CTNND1: variants seen among roughly 807,000 people sequenced by gnomAD.
The protein encoded by CTNND1 is catenin delta-1.
A neutral mutation model predicts 112.1 loss-of-function variants in CTNND1; 16 were observed. That is an observed-to-expected ratio of 0.14 (90% confidence interval 0.10 to 0.22). The LOEUF (loss-of-function observed/expected upper bound fraction) is 0.22. Ranked by LOEUF, CTNND1 falls within the 10% of genes least tolerant of loss-of-function variation. CTNND1 has a pLI of 1.00. For synonymous variants in CTNND1, 420 were observed against 446.5 expected (o/e 0.94, Z 0.75); for missense variants, 1,008 against 1,257.0 (o/e 0.80, Z 3.00).
In CTNND1 at chr11:57,805,986, C is replaced by T; in HGVS notation, c.1827C>T (p.Asn609=). The T allele has an allele frequency of 6.2e-7, 1 of 1,612,500 alleles. No individual in the cohort carries two copies. The highest frequency in any genetic ancestry group is 8.5e-7 in the Non-Finnish European group (1 of 1,179,192). The change falls in exon 10 of 21, where the codon AAC becomes AAT. Residue 609 remains asparagine (N), a synonymous_variant. Coordinates refer to ENST00000399050, the MANE Select transcript of CTNND1 (RefSeq NM_001085458.2). ...AAGAGGCAGCTCCCAATGTTGCCAA[C>T]AATACTGGGCCACATGCTGCCAGTT... ...RYQEAAPNVA[N]NTGPHAASCF... is the part of the protein sequence containing the mutation.
intron 3 of CTNND1, 73 bp downstream of exon 3, chr11:57,791,746 G>A: frequency 7.0e-7 from 1 of 1,436,472 alleles, no homozygotes; most frequent in Non-Finnish European, 9.2e-7. Context: ...TCCTTTTTGG[G>A]AAGCTACTCT....
chr11:57,802,524 T>G (rs1453620381), intron 7 of CTNND1, among the ~76,000 whole-genome samples: 2 of 152,250 alleles, frequency 1.3e-5, no homozygotes, highest in Admixed American at 6.5e-5. Context: ...CTCTCTAATT[T>G]ACACTAATCT....
intron 6 of CTNND1, 64 bp from the exon 7 acceptor site, chr11:57,801,669 G>C: frequency 7.4e-7 from 1 of 1,356,884 alleles, no homozygotes; most frequent in East Asian, 2.3e-5. Flanking sequence ...AGGGTAATGG[G>C]AATGTCCAGG....
chr11:57,788,421 C>G lies in CTNND1; in HGVS notation c.-213-616C>G, dbSNP rs765954632. ...TTTAAACTTAGGGACTGGATTGATT[C>G]AGGAGTTTATTGGACACTTACTTAT... On this transcript the variant is annotated intron_variant, in intron 1 of 20. Coordinates refer to ENST00000399050, the MANE Select transcript of CTNND1 (RefSeq NM_001085458.2). This position sits in a 1 kb window ranked among gnomAD's most constrained non-coding sequence, Gnocchi z 4.1. 2.0e-5 allele frequency among the ~76,000 whole-genome samples: 3 copies of G among 152,082 alleles called. No individual in the cohort carries two copies. Among genetic ancestry groups the G allele is most frequent in the African/African-American group, 4.8e-5 (2 of 41,408 alleles).
Position 57,795,708 on chromosome 11 carries a change from C to T in CTNND1, c.399C>T (p.Thr133=). ...CTGTGGAGACCTCAGATGATGGGAC[C>T]ACTCGGCGCACAGAGACCACGGTAA... ...VVSVETSDDG[T]TRRTETTVKK... The change falls in exon 5 of 21, where the codon ACC becomes ACT. Residue 133 remains threonine, a synonymous_variant. Transcript: ENST00000399050. 3 of 1,601,686 alleles carry T rather than the reference C, an allele frequency of 1.9e-6. No homozygotes were observed. Among genetic ancestry groups the T allele is most frequent in the Non-Finnish European group, 2.6e-6 (3 of 1,176,072 alleles).
At chr11:57,796,410 G>GCTCACTTC in intron 5 of CTNND1, 47 bp from the exon 6 acceptor site, 1 of 1,478,088 alleles carries the variant, frequency 6.8e-7, no homozygotes, top group Non-Finnish European at 9.1e-7. Flanking sequence ...GAATTTAATT[G>GCTCACTTC]CTCACTTCCT....
At position 57,808,507 on chromosome 11, in the gene CTNND1, C is replaced by G; in HGVS notation, c.2209C>G (p.Leu737Val). ...VKAASGALRN[L>V]AVDARNKELI... ...AGCTGCATCTGGAGCACTGAGAAAC[C>G]TGGCTGTGGATGCTCGCAACAAAGA... is the stretch of plus-strand genomic sequence containing the variant. The change falls in exon 14 of 21, where the codon CTG becomes GTG. Residue 737 changes from leucine to valine, a missense_variant. By Grantham distance (32) the Leu-to-Val change is conservative. Around this residue, in one of 5 missense-constraint regions of CTNND1, gnomAD observed 254 missense variants for 279.5 expected, o/e 0.91. Coordinates refer to ENST00000399050, the MANE Select transcript of CTNND1 (RefSeq NM_001085458.2). The G allele has an allele frequency of 6.2e-7, 1 of 1,609,402 alleles. No homozygotes were observed.
intron 16 of CTNND1, 125 bp from the exon 17 acceptor site, chr11:57,811,274 C>A: frequency 2.9e-6 from 2 of 683,830 alleles, no homozygotes; most frequent in Non-Finnish European, 5.1e-6. Context: ...ATTTATTCAA[C>A]TCTTATAAGT....
At chr11:57,796,203 A>G (rs1181349934) in intron 5 of CTNND1, among the ~76,000 whole-genome samples, 1 of 151,864 alleles carries the variant, frequency 6.6e-6, no homozygotes, top group Admixed American at 6.6e-5. Context: ...TGGGCAACAT[A>G]GTGAAACCCC....
At chr11:57,773,834 C>T (rs997515929) in intron 1 of CTNND1, among the ~76,000 whole-genome samples, 3 of 151,804 alleles carry the variant, frequency 2.0e-5, no homozygotes, top group Non-Finnish European at 4.4e-5. Flanking sequence ...TCCATATACT[C>T]AGGAGGCCGA....
intron 1 of CTNND1, among the ~76,000 whole-genome samples, chr11:57,782,664 T>C (rs2059700457): frequency 6.6e-6 from 1 of 152,206 alleles, no homozygotes; most frequent in Non-Finnish European, 1.5e-5. Flanking sequence ...TTATAGTTCA[T>C]TATGTACAGA....
At chr11:57,765,080 G>A (rs953322706) in intron 1 of CTNND1, among the ~76,000 whole-genome samples, 1 of 152,196 alleles carries the variant, frequency 6.6e-6, no homozygotes, top group Non-Finnish European at 1.5e-5. Context: ...TGTGTCACAC[G>A]TTGTTTATCA....
chr11:57,816,033 T>G, intron 20 of CTNND1, 32 bp downstream of exon 20: 2 of 1,530,776 alleles, frequency 1.3e-6, no homozygotes, highest in Non-Finnish European at 1.8e-6. Context: ...AAGATTGTTC[T>G]TGAGGAAGGA....
chr11:57,787,379 G>T (rs1162986942), intron 1 of CTNND1, among the ~76,000 whole-genome samples: 6 of 152,186 alleles, frequency 3.9e-5, no homozygotes, highest in Non-Finnish European at 8.8e-5. Context: ...TCATCTACTA[G>T]TTCACAAAAT....
intron 5 of CTNND1, 48 bp downstream of exon 5, chr11:57,795,777 TTC>T (rs2061293175): frequency 1.3e-6 from 2 of 1,506,782 alleles, no homozygotes; most frequent in Non-Finnish European, 1.8e-6. Context: ...AGGTCTTTTC[TTC>T]TCTATTAGGG....
chr11:57,771,311 T>C (rs1952537499), intron 1 of CTNND1, among the ~76,000 whole-genome samples: 1 of 152,166 alleles, frequency 6.6e-6, no homozygotes, highest in Non-Finnish European at 1.5e-5. Flanking sequence ...AGACAAATAA[T>C]AAGCGAGTAA....
intron 1 of CTNND1, among the ~76,000 whole-genome samples, chr11:57,774,740 G>T (rs1453570015): frequency 6.6e-6 from 1 of 151,788 alleles, no homozygotes; most frequent in Non-Finnish European, 1.5e-5. Context: ...TTGAGATGGA[G>T]TCTTACTCTG....
Position 57,807,627 on chromosome 11 carries a change from A to AG in CTNND1, c.1964-538_1964-537insG, listed in dbSNP as rs377149782. Among the ~76,000 whole-genome samples the AG allele has an allele frequency of 3.4e-3, 482 of 141,248 alleles. 38 individuals are homozygous for AG. Among genetic ancestry groups the AG allele is most frequent in the East Asian group, 8.7e-3 (44 of 5,044 alleles). The allele number at this position is 141,248 out of a possible 152,430, so 92.7% of individuals were successfully genotyped here. A position where few individuals can be genotyped will look rare whatever the true frequency, so the allele number is the denominator to read the frequency against. ...TCTCAAAAAAAAAAAAAAAAAAAAA[A>AG]AAAAGAAAAGATACTTTTTGTACTT... On this transcript the variant is annotated intron_variant, in intron 12 of 20. Coordinates refer to ENST00000399050, the MANE Select transcript of CTNND1 (RefSeq NM_001085458.2).
chr11:57,798,991 C>T (rs575671319), intron 6 of CTNND1, among the ~76,000 whole-genome samples: 1 of 152,300 alleles, frequency 6.6e-6, no homozygotes, highest in South Asian at 2.1e-4. Context: ...GATATCCTAG[C>T]AGCTGTTGCT....
Sources: allele counts gnomAD v4.1 joint callset (sites outside exome capture counted in the v4.1 genomes callset), GRCh38; gene constraint gnomAD v4.1.1; regional missense constraint gnomAD v4.1.1; non-coding constraint Gnocchi (gnomAD v3.1); transcripts MANE v1.5; gene names NCBI Gene and HGNC (gene_info 2026-07-23, HGNC 2026-07-21).